STRN: variants seen among roughly 807,000 people sequenced by gnomAD.
The protein encoded by STRN is striatin.
In STRN, 53 loss-of-function variants were observed where a neutral mutation model predicts 96.3. The ratio of observed to expected loss-of-function variants is 0.55; its 90% CI spans 0.44 to 0.69. The LOEUF is 0.69. Among genes scored for constraint, STRN ranks in the 30% least tolerant of loss-of-function variants. STRN has a pLI of 0.00. For synonymous variants in STRN, 428 were observed against 355.9 expected, an observed-to-expected ratio of 1.20 and a Z score of -2.28; for missense variants, 987 against 963.9, an observed-to-expected ratio of 1.02 and a Z score of -0.32.
chr2:36,953,238 T>C (rs1279445439), intron 1 of STRN, among the ~76,000 whole-genome samples: 1 of 152,090 alleles, frequency 6.6e-6, no homozygotes, highest in African/African-American at 2.4e-5. Flanking sequence ...AATTCCAGGG[T>C]TCCTATTCCC....
chr2:36,889,891 T>G (rs1669342247), intron 7 of STRN, among the ~76,000 whole-genome samples: 1 of 152,104 alleles, frequency 6.6e-6, no homozygotes, highest in Non-Finnish European at 1.5e-5. Flanking sequence ...GTGAGAACAG[T>G]CAAGCATGTG....
rs370422599 is a variant in STRN, at chr2:36,849,573, T to C, written c.2226A>G (p.Gln742=). The change falls in exon 18 of 18, where the codon CAA becomes CAG. Residue 742 remains glutamine (Q), a synonymous_variant. Transcript: ENST00000263918. ...ACTTTTTTCGATGAGCTGTGAATTC[T>C]TGGATACACGTCTTACTTTCTAGAT... is the stretch of plus-strand genomic sequence containing the variant. ...LWNLESKTCI[Q]EFTAHRKKFE... is the part of the protein sequence containing the mutation. The C allele has an allele frequency of 5.0e-6, 8 of 1,614,072 alleles. No homozygotes were observed. Among genetic ancestry groups the C allele is most frequent in the Middle Eastern group, 3.3e-4 (2 of 6,084 alleles).
intron 12 of STRN, among the ~76,000 whole-genome samples, chr2:36,863,032 CTTG>C (rs957528012): frequency 6.6e-6 from 1 of 152,142 alleles, no homozygotes; most frequent in Admixed American, 6.5e-5. Context: ...CTGCTTTTAG[CTTG>C]TTAATTTGTT....
chr2:36,865,260 C>T (rs1328580958), intron 12 of STRN, among the ~76,000 whole-genome samples: 1 of 152,172 alleles, frequency 6.6e-6, no homozygotes, highest in Non-Finnish European at 1.5e-5. Flanking sequence ...AGTTTGTGTG[C>T]ACAGAGGTGT....
rs570645314 is a variant in STRN, at chr2:36,841,965, T to C, written c.*7491A>G. 6.6e-6 allele frequency: 1 copy of C among 152,324 alleles called. No individual in the cohort carries two copies. The highest frequency in any genetic ancestry group is 2.1e-4 in the South Asian group (1 of 4,824). 9.4% of individuals were successfully genotyped at this position (152,324 alleles called of 1,614,324 possible). A position where few individuals can be genotyped will look rare whatever the true frequency, so the allele number is the denominator to read the frequency against. ...TCTCCTTTTTGGTAAGGTACTTCTT[T>C]CCCCACACTCTCACCCAAGTTATCC... On this transcript the variant is annotated 3_prime_UTR_variant, in exon 18 of 18. Transcript: ENST00000263918.
chr2:36,857,811 C>G (rs752250788), intron 14 of STRN, 45 bp downstream of exon 14: 5 of 1,472,842 alleles, frequency 3.4e-6, no homozygotes, highest in Non-Finnish European at 4.6e-6. Context: ...TCAGAATAAA[C>G]TGTTTTATAG....
intron 9 of STRN, among the ~76,000 whole-genome samples, chr2:36,879,950 C>T (rs939938854): frequency 1.3e-5 from 2 of 150,922 alleles, no homozygotes; most frequent in Non-Finnish European, 2.9e-5. Flanking sequence ...GGCGACAGGG[C>T]AAGACCCCTA....
chr2:36,855,014 G>A (rs1001652997), intron 15 of STRN, among the ~76,000 whole-genome samples, 198 bp downstream of exon 15: 1 of 152,186 alleles, frequency 6.6e-6, no homozygotes, highest in African/African-American at 2.4e-5. Context: ...ATTTCAAACA[G>A]TATAGTTATA....
chr2:36,961,496 T>G (rs186952657), intron 1 of STRN, among the ~76,000 whole-genome samples: 101 of 152,248 alleles, frequency 6.6e-4, no homozygotes, highest in Admixed American at 2.4e-3. Context: ...CTTTAGCACA[T>G]CTTGTTGGCT....
rs1477820912 is a variant in STRN at position 36,861,186 on chromosome 2, G to C, written c.1615C>G (p.Leu539Val). The C allele has an allele frequency of 6.2e-7, 1 of 1,614,020 alleles. No individual in the cohort carries two copies. Among genetic ancestry groups the C allele is most frequent in the Admixed American group, 1.7e-5 (1 of 60,016 alleles). ...EQCYSGGTDG[L>V]IQGWNTTNPN... Reference sequence around the variant, plus strand: ...TTAGTGGTATTCCAGCCCTGGATCAGTCCATCAGTACCACCACTGTAACAC... The same window carrying C: ...TTAGTGGTATTCCAGCCCTGGATCACTCCATCAGTACCACCACTGTAACAC... The change falls in exon 13 of 18, where the codon CTG becomes GTG. Residue 539 changes from leucine to valine, a missense_variant. Transcript: ENST00000263918.
chr2:36,933,297 C>T (rs1670620843), intron 1 of STRN, among the ~76,000 whole-genome samples: 3 of 152,120 alleles, frequency 2.0e-5, no homozygotes, highest in Admixed American at 6.5e-5. Flanking sequence ...AAATACTACA[C>T]CACCTTATAT....
chr2:36,946,229 T>C (rs1670977958), intron 1 of STRN, among the ~76,000 whole-genome samples: 1 of 150,496 alleles, frequency 6.6e-6, no homozygotes, highest in East Asian at 1.9e-4. Context: ...ACCAGAAATA[T>C]TTCCAGTTGA....
rs1437025588 is a variant in STRN at position 36,839,691 on chromosome 2, C to T, written c.*9765G>A. ...ATTGTCCAGGCCAAATTCCTGCTTTCTTCTGTGTTGAACTGATCTTAAAGG... is the reference window on the plus strand; with the variant it reads ...ATTGTCCAGGCCAAATTCCTGCTTTTTTCTGTGTTGAACTGATCTTAAAGG... On this transcript the variant is annotated 3_prime_UTR_variant, in exon 18 of 18. Transcript: ENST00000263918. Among the ~76,000 whole-genome samples, 1 of 152,122 alleles carries T rather than the reference C, an allele frequency of 6.6e-6. No individual in the cohort carries two copies. The highest frequency in any genetic ancestry group is 1.5e-5 in the Non-Finnish European group (1 of 68,012).
intron 1 of STRN, among the ~76,000 whole-genome samples, chr2:36,962,153 T>C (rs3845780): frequency 0.58 from 88,472 of 152,022 alleles, 27,261 homozygotes; most frequent in African/African-American, 0.79. Context: ...TAGAACAAGG[T>C]CTGGCATGAA....
intron 1 of STRN, among the ~76,000 whole-genome samples, chr2:36,961,064 C>T (rs1043016241): frequency 7.3e-6 from 1 of 136,376 alleles, no homozygotes; most frequent in Non-Finnish European, 1.5e-5. Flanking sequence ...ACCCAGCTAA[C>T]TTTGTGAATT....
chr2:36,915,235 ATATAT>A (rs1670063349), intron 3 of STRN, among the ~76,000 whole-genome samples: 4 of 31,002 alleles, frequency 1.3e-4, no homozygotes, highest in Non-Finnish European at 2.1e-4. Flanking sequence ...ATACATAAAT[ATATAT>A]ATATATATAT....
At chr2:36,874,931 A>G (rs540625655) in intron 10 of STRN, among the ~76,000 whole-genome samples, 1 of 152,324 alleles carries the variant, frequency 6.6e-6, no homozygotes, top group South Asian at 2.1e-4. Flanking sequence ...AATAATTTTA[A>G]AAAGCAAAAT....
At chr2:36,874,731 A>AC (rs1482476445) in intron 10 of STRN, among the ~76,000 whole-genome samples, 6 of 137,060 alleles carry the variant, frequency 4.4e-5, no homozygotes, top group African/African-American at 1.5e-4. Flanking sequence ...AAAAAAAAAA[A>AC]AAAAAAAAAC....
At chr2:36,871,366 T>C (rs1031462834) in intron 10 of STRN, among the ~76,000 whole-genome samples, 2 of 152,242 alleles carry the variant, frequency 1.3e-5, no homozygotes, top group Admixed American at 1.3e-4. Flanking sequence ...GTATTTTTAC[T>C]GGACCTTTTC....
Sources: allele counts gnomAD v4.1 joint callset (sites outside exome capture counted in the v4.1 genomes callset), GRCh38; gene constraint gnomAD v4.1.1; transcripts MANE v1.5; gene names NCBI Gene and HGNC (gene_info 2026-07-23, HGNC 2026-07-21).